RHBDF1: variants seen among roughly 807,000 people sequenced by gnomAD.
RHBDF1 encodes the protein rhomboid 5 homolog 1.
A neutral mutation model predicts 98.6 loss-of-function variants in RHBDF1; 80 were observed. The observed-to-expected ratio is 0.81, with a 90% CI of 0.68 to 0.98. The LOEUF is 0.98. Ranked by LOEUF, RHBDF1 falls within the 50% of genes least tolerant of loss-of-function variation. RHBDF1 has a pLI of 0.00. For synonymous variants in RHBDF1, 512 were observed against 486.8 expected (o/e 1.05, Z -0.68); for missense variants, 1,116 against 1,198.3 (o/e 0.93, Z 1.01).
intron 1 of RHBDF1, among the ~76,000 whole-genome samples, chr16:67,029 G>T (rs898825254): frequency 4.6e-5 from 7 of 152,152 alleles, no homozygotes; most frequent in African/African-American, 1.7e-4. Context: ...AGCGTGAAGG[G>T]GTCACAGCTA....
At chr16:68,597 T>G (rs1897889994) in intron 1 of RHBDF1, among the ~76,000 whole-genome samples, 1 of 152,182 alleles carries the variant, frequency 6.6e-6, no homozygotes, top group African/African-American at 2.4e-5. Flanking sequence ...GCCTCACAGC[T>G]GCCAGCCCAG....
At chr16:71,290 C>T (rs928598473) in intron 1 of RHBDF1, among the ~76,000 whole-genome samples, 4 of 152,198 alleles carry the variant, frequency 2.6e-5, no homozygotes, top group Admixed American at 2.0e-4. Context: ...CTGGCACCAC[C>T]AGACTCCCAT....
At chr16:72,390 A>T in intron 1 of RHBDF1, 123 bp downstream of exon 1, 1 of 380,838 alleles carries the variant, frequency 2.6e-6, no homozygotes, top group Non-Finnish European at 3.6e-6. Context: ...CCCGGCCCCG[A>T]CACGGCCCCG....
In RHBDF1 at chr16:59,728, G is replaced by A. The variant is rs766837111; in HGVS notation, c.1817+4C>T. On this transcript the variant is annotated splice_donor_region_variant and intron_variant, in intron 14 of 17. Coordinates refer to ENST00000262316, the MANE Select transcript of RHBDF1 (RefSeq NM_022450.5). Reference sequence around the variant, plus strand: ...CAGCTGCACTCGCTGGCACGCACACGTACCTGCCCTTGGTGCCAATGCAGC... The same window carrying A: ...CAGCTGCACTCGCTGGCACGCACACATACCTGCCCTTGGTGCCAATGCAGC... 1.2e-5 allele frequency: 19 copies of A among 1,613,842 alleles called. No homozygotes were observed. In the Middle Eastern group the frequency reaches 4.9e-4, roughly 42 times the overall value.
intron 14 of RHBDF1, 80 bp downstream of exon 14, chr16:59,652 A>G: frequency 2.6e-6 from 4 of 1,546,304 alleles, no homozygotes; most frequent in Non-Finnish European, 3.5e-6. Context: ...TTATTTCAGG[A>G]TTTGGTTAGG....
In RHBDF1 at chr16:62,998, A is replaced by C. The variant is rs543494783; in HGVS notation, c.647T>G (p.Phe216Cys). 3 of 1,612,216 alleles carry C rather than the reference A, an allele frequency of 1.9e-6. No individual in the cohort carries two copies. Among genetic ancestry groups the C allele is most frequent in the East Asian group, 2.2e-5 (1 of 44,860 alleles). The change falls in exon 5 of 18, where the codon TTC (phenylalanine) becomes TGC (cysteine). Residue 216 changes from phenylalanine to cysteine, a missense_variant. Phe to Cys is a radical substitution (Grantham distance 205). Transcript: ENST00000262316. Reference protein sequence around the residue: ...RKRESVAKMSFRAAAALMKGR... With the variant: ...RKRESVAKMSCRAAAALMKGR... ...TTTCATCAGCGCTGCGGCCGCCCGG[A>C]AGCTCATCTTGGCCACCGACTCTCG...
At chr16:75,345 A>T (rs1469382903), upstream of RHBDF1, among the ~76,000 whole-genome samples, 1 of 152,106 alleles carries the variant, frequency 6.6e-6, no homozygotes, top group African/African-American at 2.4e-5. Context: ...CCCAACAGCT[A>T]CCCCAGAATC....
upstream of RHBDF1, chr16:76,304 C>A (rs1046883740): frequency 3.3e-5 from 5 of 152,282 alleles, no homozygotes; most frequent in African/African-American, 1.2e-4. Context: ...ACTCTGCAGG[C>A]CACAGTTGGA....
In RHBDF1 at chr16:64,246, A is replaced by G. The variant is rs867783969; in HGVS notation, c.249-446T>C. 40 of 1,331,122 alleles carry G rather than the reference A, an allele frequency of 3.0e-5. 1 individual carries two copies. The Middle Eastern group carries it at 1.0e-3, about 34-fold the overall frequency. 82.5% of individuals were successfully genotyped at this position (1,331,122 alleles called of 1,614,324 possible). The stretch of plus-strand genomic sequence containing the variant: ...CACCTGCCGTTAGGAGCCCCAGGGA[A>G]TGCCAACCACACTGGCAGCTCCCAA... On this transcript the variant is annotated intron_variant, in intron 3 of 17. Coordinates refer to ENST00000262316, the MANE Select transcript of RHBDF1 (RefSeq NM_022450.5).
intron 11 of RHBDF1, 200 bp from the exon 12 acceptor site, chr16:60,739 A>G (rs1351241061): frequency 1.2e-5 from 7 of 585,750 alleles, no homozygotes; most frequent in South Asian, 1.0e-4. Context: ...TGAAAATCAG[A>G]AACAACCTCT....
chr16:61,254 A>G lies in RHBDF1; in HGVS notation c.1423T>C (p.Phe475Leu). 1.3e-6 allele frequency: 2 copies of G among 1,545,110 alleles called. No homozygotes were observed. The highest frequency in any genetic ancestry group is 1.7e-6 in the Non-Finnish European group (2 of 1,144,176). ...SEALIHLGAK[F>L]SPCMRQDPQV... ...GGGTCCTGGCGCATGCAGGGCGAAA[A>G]CTTGGCGCCCAGGTGGATGAGGGCC... The change falls in exon 11 of 18, where the codon TTT (phenylalanine) becomes CTT (leucine). Residue 475 changes from phenylalanine (F) to leucine (L), a missense_variant. Transcript: ENST00000262316.
chr16:60,488 G>C lies in RHBDF1; in HGVS notation c.1609C>G (p.Leu537Val). 6.2e-7 allele frequency: 1 copy of C among 1,611,764 alleles called. No individual in the cohort carries two copies. Among genetic ancestry groups the C allele is most frequent in the Non-Finnish European group, 8.5e-7 (1 of 1,180,002 alleles). The change falls in exon 12 of 18, where the codon CTT becomes GTT. Residue 537 changes from leucine to valine, a missense_variant. Physicochemically the swap from Leu to Val is conservative, Grantham distance 32. Transcript: ENST00000262316. Reference sequence around the variant, plus strand: ...CCAAACTGTCTCTTGTGGCCCGCAAGCTCTGGGGCGCTGGGATGGATGGGC... The same window carrying C: ...CCAAACTGTCTCTTGTGGCCCGCAACCTCTGGGGCGCTGGGATGGATGGGC... ...KWPIHPSAPE[L>V]AGHKRQFGSV...
At chr16:67,766 G>A (rs1897866304) in intron 1 of RHBDF1, among the ~76,000 whole-genome samples, 1 of 152,212 alleles carries the variant, frequency 6.6e-6, no homozygotes, top group African/African-American at 2.4e-5. Context: ...TGAAGCCACC[G>A]CTGGGTAGGC....
chr16:68,246 G>A (rs1459909816), intron 1 of RHBDF1, among the ~76,000 whole-genome samples: 1 of 152,238 alleles, frequency 6.6e-6, no homozygotes, highest in Admixed American at 6.5e-5. Flanking sequence ...CGGGTGGGCA[G>A]TGCTGGGTGT....
At chr16:72,266 C>T (rs1263966586) in intron 1 of RHBDF1, among the ~76,000 whole-genome samples, 3 of 152,246 alleles carry the variant, frequency 2.0e-5, no homozygotes, top group African/African-American at 7.2e-5. Context: ...TTTTGCGGCG[C>T]GCCGGGCTAG....
At chr16:68,080 C>T (rs1332041503) in intron 1 of RHBDF1, among the ~76,000 whole-genome samples, 4 of 152,148 alleles carry the variant, frequency 2.6e-5, no homozygotes, top group South Asian at 2.1e-4. Flanking sequence ...GGACCACAGT[C>T]GGCCCCAGGA....
chr16:61,151 C>G lies in RHBDF1; in HGVS notation c.1526G>C (p.Gly509Ala). The change falls in exon 11 of 18, where the codon GGC becomes GCC. Residue 509 changes from glycine to alanine, a missense_variant. Gly to Ala is a moderately conservative substitution (Grantham distance 60, BLOSUM62 0). Transcript: ENST00000262316. ...CTCCTCCTCCGAGGTCTGCACGCAG[C>G]CCGACCTGTCGTTGCGCACGCAGCA... is the stretch of plus-strand genomic sequence containing the variant. ...SACCVRNDRS[G>A]CVQTSEEECS... The G allele has an allele frequency of 1.3e-6, 2 of 1,537,816 alleles. No homozygotes were observed. Among genetic ancestry groups the G allele is most frequent in the East Asian group, 4.9e-5 (2 of 40,806 alleles).
At chr16:61,088 C>G (rs1567113279) in intron 11 of RHBDF1, 32 bp downstream of exon 11, 9 of 1,512,630 alleles carry the variant, frequency 5.9e-6, no homozygotes, top group Non-Finnish European at 7.1e-6. Context: ...ACCGGGCAGA[C>G]GAAGGCGGGA....
At position 59,816 on chromosome 16, in the gene RHBDF1, T is replaced by C. The variant is rs1176036972; in HGVS notation, c.1733A>G (p.Lys578Arg). The part of the protein sequence containing the change: ...EDITKWPICT[K>R]NSAGNHTNHP... ...GTTGGTGTGGTTCCCAGCGCTGTTTTTGGTGCAGATCTGGGTCACAAATGA... is the reference window on the plus strand; with the variant it reads ...GTTGGTGTGGTTCCCAGCGCTGTTTCTGGTGCAGATCTGGGTCACAAATGA... Residue 578 changes from lysine to arginine, a missense_variant, in exon 14 of 18, where the codon AAA (lysine) becomes AGA (arginine). Physicochemically the swap from Lys to Arg is conservative, Grantham distance 26. Transcript: ENST00000262316. The C allele has an allele frequency of 2.5e-6, 4 of 1,614,132 alleles. No individual in the cohort carries two copies. The highest frequency in any genetic ancestry group is 2.5e-6 in the Non-Finnish European group (3 of 1,180,004).
Sources: gnomAD v4.1 joint callset for allele counts (sites outside exome capture counted in the v4.1 genomes callset) on GRCh38, gnomAD v4.1.1 for gene constraint, MANE v1.5 for transcripts, NCBI Gene and HGNC (gene_info 2026-07-23, HGNC 2026-07-21) for gene names.